The following CFAP107 variants were observed in gnomAD, a reference collection of about 807,000 sequenced individuals.
CFAP107 encodes cilia and flagella associated protein 107.
chr1:12,761,173 C>G, the CFAP107 span: 3 of 531,142 alleles, frequency 5.6e-6, no homozygotes, highest in Non-Finnish European at 3.3e-6. Context: ...GACACTATTG[C>G]AGGGCTATGT....
chr1:12,754,621 G>A, the CFAP107 span, among the ~76,000 whole-genome samples: 1 of 152,212 alleles, frequency 6.6e-6, no homozygotes, highest in Non-Finnish European at 1.5e-5. Flanking sequence ...CCCACTGATG[G>A]ATGAATGGAT....
chr1:12,755,449 G>A, the CFAP107 span, among the ~76,000 whole-genome samples: 1 of 152,030 alleles, frequency 6.6e-6, no homozygotes. Flanking sequence ...AGCAGGGAGA[G>A]AGAAGATGAG....
At chr1:12,752,555 TAAA>T in the CFAP107 span, among the ~76,000 whole-genome samples, 10 of 46,660 alleles carry the variant, frequency 2.1e-4, no homozygotes, top group African/African-American at 7.5e-4. Flanking sequence ...CGACTCTGTC[TAAA>T]AAAAAAAAAA....
chr1:12,749,714 TA>T, the CFAP107 span, among the ~76,000 whole-genome samples: 2 of 152,072 alleles, frequency 1.3e-5, no homozygotes, highest in Admixed American at 6.6e-5. Flanking sequence ...AAAGTGCTGG[TA>T]AAAAAAATAC....
the CFAP107 span, chr1:12,759,395 G>A: frequency 1.9e-6 from 3 of 1,614,082 alleles, no homozygotes; most frequent in East Asian, 4.5e-5. Context: ...CATTACAACC[G>A]GCATGGTTAC....
the CFAP107 span, chr1:12,759,541 C>A: frequency 1.3e-6 from 2 of 1,597,088 alleles, no homozygotes; most frequent in Non-Finnish European, 1.7e-6. Context: ...GTTGCACAGA[C>A]CAACGGAGCT....
chr1:12,748,999 G>T, the CFAP107 span, among the ~76,000 whole-genome samples: 1 of 152,132 alleles, frequency 6.6e-6, no homozygotes, highest in Non-Finnish European at 1.5e-5. Context: ...AAATTTAAAG[G>T]CAGTGAACAG....
chr1:12,749,211 T>C, the CFAP107 span, among the ~76,000 whole-genome samples: 5 of 152,246 alleles, frequency 3.3e-5, no homozygotes, highest in Middle Eastern at 3.4e-3. Context: ...AAAGAGACCC[T>C]CATTGAAGCA....
the CFAP107 span, among the ~76,000 whole-genome samples, chr1:12,750,840 G>A: frequency 6.6e-5 from 10 of 151,892 alleles, no homozygotes; most frequent in African/African-American, 1.5e-4. Flanking sequence ...GGCAGAATAC[G>A]TGTGTTTTTT....
the CFAP107 span, among the ~76,000 whole-genome samples, chr1:12,752,307 G>C: frequency 6.6e-6 from 1 of 152,110 alleles, no homozygotes; most frequent in Non-Finnish European, 1.5e-5. Flanking sequence ...GTTCAGGGCT[G>C]GGCATAGTGG....
chr1:12,746,313 A>G, the CFAP107 span: 8 of 667,408 alleles, frequency 1.2e-5, no homozygotes, highest in Non-Finnish European at 1.8e-5. Flanking sequence ...GCCATTCAGG[A>G]GGCCAGCTGG....
the CFAP107 span, chr1:12,755,611 T>A: frequency 1.2e-6 from 1 of 848,386 alleles, no homozygotes; most frequent in Non-Finnish European, 2.0e-6. Flanking sequence ...TCCCTACCCA[T>A]CTTCTGATGG....
chr1:12,748,244 G>A, the CFAP107 span, among the ~76,000 whole-genome samples: 5 of 152,070 alleles, frequency 3.3e-5, no homozygotes, highest in African/African-American at 9.7e-5. Context: ...GATGGGAAAA[G>A]GTGGCATGGT....
At chr1:12,755,787 A>G in the CFAP107 span, 1 of 1,611,954 alleles carries the variant, frequency 6.2e-7, no homozygotes, top group African/African-American at 1.3e-5. Context: ...CCAGATCTCC[A>G]GGTGGTATGG....
the CFAP107 span, among the ~76,000 whole-genome samples, chr1:12,748,180 C>G: frequency 2.6e-5 from 4 of 152,192 alleles, no homozygotes; most frequent in South Asian, 8.3e-4. Flanking sequence ...AACATTTGAA[C>G]CTGTCTGGGG....
chr1:12,759,562 C>T, the CFAP107 span: 15 of 1,551,402 alleles, frequency 9.7e-6, no homozygotes, highest in African/African-American at 1.9e-4. Context: ...GTACCTGCCT[C>T]ATGCAGAAGG....
At chr1:12,747,360 T>C in the CFAP107 span, among the ~76,000 whole-genome samples, 1 of 152,118 alleles carries the variant, frequency 6.6e-6, no homozygotes, top group African/African-American at 2.4e-5. Flanking sequence ...TGAGCCACTG[T>C]GCCTGGCCTC....
At chr1:12,746,928 T>C in the CFAP107 span, among the ~76,000 whole-genome samples, 1 of 152,038 alleles carries the variant, frequency 6.6e-6, no homozygotes, top group African/African-American at 2.4e-5. Context: ...TTGAAGAACA[T>C]TTGCTCTCCT....
the CFAP107 span, chr1:12,753,987 C>T: frequency 6.6e-6 from 1 of 151,990 alleles, no homozygotes. Flanking sequence ...CTTGATGTGA[C>T]ACCAAAAGCA....
Sources: allele counts gnomAD v4.1 joint callset (sites outside exome capture counted in the v4.1 genomes callset), GRCh38; gene constraint gnomAD v4.1.1; transcripts MANE v1.5; gene names NCBI Gene and HGNC (gene_info 2026-07-23, HGNC 2026-07-21).